The following DAPK2 variants were observed in gnomAD, a reference collection of about 807,000 sequenced individuals.
The protein encoded by DAPK2 is death-associated protein kinase 2.
A neutral mutation model predicts 44.1 loss-of-function variants in DAPK2; 35 were observed. The observed-to-expected ratio is 0.79, with a 90% CI of 0.61 to 1.05. DAPK2 has a LOEUF of 1.05. DAPK2 is among the 50% of genes least tolerant of loss of function. The probability of loss-of-function intolerance (pLI) is 0.00; values close to 1 mark genes in which losing one functional copy is unlikely to be tolerated. For missense variants in DAPK2, 453 were observed against 483.2 expected, an observed-to-expected ratio of 0.94 and a Z score of 0.59; for synonymous variants, 174 against 182.6, an observed-to-expected ratio of 0.95 and a Z score of 0.38.
intron 3 of DAPK2, among the ~76,000 whole-genome samples, chr15:63,967,053 G>C (rs1327705696): frequency 2.6e-5 from 4 of 152,084 alleles, no homozygotes; most frequent in Non-Finnish European, 5.9e-5. Flanking sequence ...AGTGGTGGGT[G>C]CCTGTAGTCC....
intron 2 of DAPK2, among the ~76,000 whole-genome samples, chr15:63,977,785 A>G (rs779738780): frequency 6.6e-6 from 1 of 152,214 alleles, no homozygotes; most frequent in Non-Finnish European, 1.5e-5. Flanking sequence ...TCAGGAGAGC[A>G]AGTGACTTGC....
chr15:63,928,808 G>C (rs1161433760), intron 6 of DAPK2, among the ~76,000 whole-genome samples: 2 of 152,102 alleles, frequency 1.3e-5, no homozygotes, highest in Non-Finnish European at 2.9e-5. Context: ...AAGGAGGAGA[G>C]AGACAGTGAG....
At chr15:64,043,560 C>T (rs747177702), upstream of DAPK2, among the ~76,000 whole-genome samples, 2 of 152,136 alleles carry the variant, frequency 1.3e-5, no homozygotes, top group Non-Finnish European at 2.9e-5. Flanking sequence ...ATGCATGGTG[C>T]TAGATGTCAG....
chr15:64,002,389 G>T lies in DAPK2; in HGVS notation c.93-18635C>A, dbSNP rs188979618. Among the ~76,000 whole-genome samples, 210 of 152,222 alleles carry T rather than the reference G, an allele frequency of 1.4e-3. 1 individual carries two copies. The highest frequency in any genetic ancestry group is 4.8e-3 in the African/African-American group (200 of 41,538). Reference sequence around the variant, plus strand: ...CAATATATGTCCTTCAATAAAATACGTTTTGAAGATGAACACATTTTTAAA... The same window carrying T: ...CAATATATGTCCTTCAATAAAATACTTTTTGAAGATGAACACATTTTTAAA... On this transcript the variant is annotated intron_variant, in intron 1 of 10. Transcript: ENST00000261891.
rs145657139 is a variant in DAPK2 at position 63,942,785 on chromosome 15, C to T, written c.454-3424G>A. Among the ~76,000 whole-genome samples, 4 of 152,066 alleles carry T rather than the reference C, an allele frequency of 2.6e-5. No individual in the cohort carries two copies. In the Middle Eastern group the frequency reaches 0.01, roughly 388 times the overall value. ...CAAAGGTAGTACCTCCTCCAGAAGG[C>T]CTTCTCTGCTCTCTCCCTGCCTACC... On this transcript the variant is annotated intron_variant, in intron 3 of 10. Coordinates refer to ENST00000261891, the Ensembl canonical transcript of DAPK2.
chr15:63,944,241 C>T (rs1473594054), intron 3 of DAPK2, among the ~76,000 whole-genome samples: 1 of 152,160 alleles, frequency 6.6e-6, no homozygotes, highest in African/African-American at 2.4e-5. Context: ...CCCAGGTTCT[C>T]GTCCCTACCT....
chr15:63,973,027 G>T (rs772551597), intron 2 of DAPK2, among the ~76,000 whole-genome samples: 8 of 152,208 alleles, frequency 5.3e-5, no homozygotes, highest in Non-Finnish European at 1.0e-4. Flanking sequence ...GGTGAAAAGA[G>T]GGGTGTCCCT....
chr15:63,981,076 C>G (rs890590527), intron 2 of DAPK2, among the ~76,000 whole-genome samples: 1 of 115,172 alleles, frequency 8.7e-6, no homozygotes, highest in African/African-American at 3.1e-5. Flanking sequence ...GACGACAGAG[C>G]GAGACTCCAT....
At chr15:64,033,179 G>A (rs1036519651) in intron 1 of DAPK2, among the ~76,000 whole-genome samples, 11 of 151,394 alleles carry the variant, frequency 7.3e-5, no homozygotes, top group African/African-American at 2.7e-4. Flanking sequence ...ACGATTGCTT[G>A]AGCCCAGGAG....
intron 6 of DAPK2, among the ~76,000 whole-genome samples, chr15:63,927,638 A>G (rs555645732): frequency 1.3e-5 from 2 of 152,310 alleles, no homozygotes; most frequent in South Asian, 2.1e-4. Context: ...TCATGTCAGT[A>G]TCCTAGTGCC....
intron 1 of DAPK2, among the ~76,000 whole-genome samples, chr15:64,009,264 C>T (rs332293): frequency 0.98 from 148,835 of 152,240 alleles, 72,840 homozygotes; most frequent in East Asian, 1. Context: ...TGCCATCCTC[C>T]TGAGCTAGAC....
chr15:63,994,498 C>T (rs2078898820), intron 1 of DAPK2, among the ~76,000 whole-genome samples: 1 of 143,594 alleles, frequency 7.0e-6, no homozygotes, highest in South Asian at 2.3e-4. Flanking sequence ...AAAAATGTTC[C>T]TTAGTCCCAC....
intron 1 of DAPK2, among the ~76,000 whole-genome samples, chr15:64,024,061 T>C (rs2079765956): frequency 6.6e-6 from 1 of 152,192 alleles, no homozygotes; most frequent in South Asian, 2.1e-4. Flanking sequence ...GGGCCTAGGC[T>C]GGGGTCCTGG....
At position 63,939,121 on chromosome 15, in the gene DAPK2, A is replaced by C; in HGVS notation, c.583+111T>G. 1 of 1,507,680 alleles carries C rather than the reference A, an allele frequency of 6.6e-7. No homozygotes were observed. The highest frequency in any genetic ancestry group is 2.3e-5 in the East Asian group (1 of 43,864). 93.4% of individuals were successfully genotyped at this position (1,507,680 alleles called of 1,614,324 possible). On this transcript the variant is annotated intron_variant, in intron 4 of 10. Coordinates refer to ENST00000261891, the Ensembl canonical transcript of DAPK2. This position sits in a 1 kb window ranked among gnomAD's most constrained non-coding sequence, Gnocchi z 4.3. ...CCATTAGGTTTCTAGAGATGTCCCA[A>C]TGCATCATCTCTTTGCTCAGAGGCC...
intron 1 of DAPK2, among the ~76,000 whole-genome samples, chr15:63,999,670 A>G (rs1396719780): frequency 6.6e-6 from 1 of 152,148 alleles, no homozygotes; most frequent in Non-Finnish European, 1.5e-5. Context: ...TGCAAACAAG[A>G]GTCCCCTGCC....
rs919944213 is a variant in DAPK2 at position 63,956,495 on chromosome 15, C to T, written c.453+14928G>A. Reference sequence around the variant, plus strand: ...CATTCAGAAGCATATTATTTAATTCCCATGTGTTTGTATAGTTTCCAAAAT... The same window carrying T: ...CATTCAGAAGCATATTATTTAATTCTCATGTGTTTGTATAGTTTCCAAAAT... On this transcript the variant is annotated intron_variant, in intron 3 of 10. Coordinates refer to ENST00000261891, the Ensembl canonical transcript of DAPK2. Among the ~76,000 whole-genome samples the T allele has an allele frequency of 2.6e-5, 4 of 151,868 alleles. No homozygotes were observed. In the South Asian group the frequency reaches 8.3e-4, roughly 32 times the overall value.
intron 2 of DAPK2, among the ~76,000 whole-genome samples, chr15:63,978,820 G>C (rs922508617): frequency 6.6e-6 from 1 of 152,126 alleles, no homozygotes; most frequent in African/African-American, 2.4e-5. Flanking sequence ...TCTTCTCCTA[G>C]TGTTCCCAGG....
rs528414390 is a variant in DAPK2, at chr15:63,966,035, G to C, written c.453+5388C>G. On this transcript the variant is annotated intron_variant, in intron 3 of 10. Coordinates refer to ENST00000261891, the Ensembl canonical transcript of DAPK2. This position sits in a 1 kb window ranked among gnomAD's most constrained non-coding sequence, Gnocchi z 5.5. ...TTCCATAGCCACCACAGCTGGGAAT[G>C]TGCTGGGTCACACCTGAAGCCAGCA... Among the ~76,000 whole-genome samples, 1 of 152,228 alleles carries C rather than the reference G, an allele frequency of 6.6e-6. No homozygotes were observed. Among genetic ancestry groups the C allele is most frequent in the Non-Finnish European group, 1.5e-5 (1 of 68,046 alleles).
chr15:64,028,809 A>C (rs2141128536), intron 1 of DAPK2, among the ~76,000 whole-genome samples: 1 of 152,284 alleles, frequency 6.6e-6, no homozygotes, highest in South Asian at 2.1e-4. Flanking sequence ...GAAAGAAGGA[A>C]GGAGGAAAGG....
Sources: gnomAD v4.1 joint callset for allele counts (sites outside exome capture counted in the v4.1 genomes callset) on GRCh38, gnomAD v4.1.1 for gene constraint, Gnocchi (gnomAD v3.1) non-coding constraint, MANE v1.5 for transcripts, NCBI Gene and HGNC (gene_info 2026-07-23, HGNC 2026-07-21) for gene names.